KHDRBS3: variants seen among roughly 807,000 people sequenced by gnomAD.
KHDRBS3 encodes the protein KH domain-containing, RNA-binding, signal transduction-associated protein 3.
Under a neutral mutation model 45.6 loss-of-function variants are expected in KHDRBS3, and 23 were observed. The observed-to-expected ratio is 0.50, with a 90% CI of 0.36 to 0.72. The LOEUF is 0.72. KHDRBS3 is among the 30% of genes least tolerant of loss of function. The probability of loss-of-function intolerance (pLI) is 0.00; values close to 1 mark genes in which losing one functional copy is unlikely to be tolerated. For missense variants in KHDRBS3, 352 were observed against 424.8 expected (o/e 0.83, Z 1.51); for synonymous variants, 162 against 156.5 (o/e 1.04, Z -0.26).
intron 1 of KHDRBS3, among the ~76,000 whole-genome samples, chr8:135,505,158 G>A (rs999064318): frequency 1.3e-5 from 2 of 152,208 alleles, no homozygotes; most frequent in African/African-American, 4.8e-5. Flanking sequence ...CAATATTGAA[G>A]TAGAGGGAAC....
At chr8:135,484,789 C>T (rs559763842) in intron 1 of KHDRBS3, among the ~76,000 whole-genome samples, 1 of 152,340 alleles carries the variant, frequency 6.6e-6, no homozygotes, top group Non-Finnish European at 1.5e-5. Context: ...CTTTAGATTT[C>T]AGCCAGAGGC....
intron 2 of KHDRBS3, among the ~76,000 whole-genome samples, chr8:135,526,035 T>C (rs7832892): frequency 0.1 from 15,543 of 152,182 alleles, 885 homozygotes; most frequent in East Asian, 0.18. Context: ...TGTGTGACAA[T>C]TGCTTATAGT....
At chr8:135,522,678 C>A (rs1344614268) in intron 2 of KHDRBS3, among the ~76,000 whole-genome samples, 1 of 152,098 alleles carries the variant, frequency 6.6e-6, no homozygotes, top group East Asian at 1.9e-4. Context: ...TTTTTCATAT[C>A]CTTATTGGCT....
chr8:135,566,837 G>C (rs183265757), intron 5 of KHDRBS3, among the ~76,000 whole-genome samples: 44 of 152,310 alleles, frequency 2.9e-4, no homozygotes, highest in African/African-American at 1.0e-3. Context: ...AAAACAAAAA[G>C]TTCTGTTTGA....
At chr8:135,611,326 A>G (rs1300140922) in intron 7 of KHDRBS3, among the ~76,000 whole-genome samples, 2 of 151,996 alleles carry the variant, frequency 1.3e-5, no homozygotes, top group Admixed American at 6.6e-5. Flanking sequence ...TTCAGATCGT[A>G]CAGTTTACAC....
chr8:135,570,099 A>C (rs906699614), intron 5 of KHDRBS3, among the ~76,000 whole-genome samples: 1 of 152,228 alleles, frequency 6.6e-6, no homozygotes, highest in African/African-American at 2.4e-5. Context: ...GTAGACTAGA[A>C]GGCAGAATGC....
Position 135,548,744 on chromosome 8 carries a change from CT to C in KHDRBS3, c.325-5del. On this transcript the variant is annotated splice_polypyrimidine_tract_variant and intron_variant, in intron 3 of 8. Transcript: ENST00000355849. ...GTTTTTAAATGTGATTTCTTTTTTC[CT>C]TTTTCCAGGAAGAAGAGTTGAGGAA... The C allele has an allele frequency of 6.2e-6, 9 of 1,447,886 alleles. No individual in the cohort carries two copies. Among genetic ancestry groups the C allele is most frequent in the South Asian group, 4.9e-5 (3 of 61,050 alleles). The allele number at this position is 1,447,886 out of a possible 1,614,324, so 89.7% of individuals were successfully genotyped here.
chr8:135,486,756 G>T (rs749656493), intron 1 of KHDRBS3, among the ~76,000 whole-genome samples: 1 of 152,168 alleles, frequency 6.6e-6, no homozygotes, highest in Non-Finnish European at 1.5e-5. Flanking sequence ...ATATTCCTTG[G>T]TGTTGTGTAC....
At chr8:135,538,126 G>T (rs187718559) in intron 2 of KHDRBS3, among the ~76,000 whole-genome samples, 1 of 152,124 alleles carries the variant, frequency 6.6e-6, no homozygotes, top group Non-Finnish European at 1.5e-5. Flanking sequence ...GGGGCAGTGC[G>T]ATGAATGGGT....
chr8:135,621,958 A>C (rs1830161562), intron 7 of KHDRBS3, among the ~76,000 whole-genome samples: 1 of 151,998 alleles, frequency 6.6e-6, no homozygotes, highest in South Asian at 2.1e-4. Flanking sequence ...CACTGGTCCA[A>C]GTGAATGTCA....
intron 7 of KHDRBS3, among the ~76,000 whole-genome samples, chr8:135,631,091 A>G (rs1206551771): frequency 1.3e-5 from 2 of 152,072 alleles, no homozygotes; most frequent in Non-Finnish European, 2.9e-5. Context: ...TCTACTAAAA[A>G]TACAAAAAAA....
chr8:135,492,514 T>C (rs201358433), intron 1 of KHDRBS3, among the ~76,000 whole-genome samples: 50 of 74,632 alleles, frequency 6.7e-4, no homozygotes, highest in African/African-American at 1.9e-3. Context: ...CATATATATA[T>C]ACATATATAT....
downstream of KHDRBS3, among the ~76,000 whole-genome samples, chr8:135,650,133 A>G (rs1451764349): frequency 3.3e-5 from 5 of 152,176 alleles, no homozygotes; most frequent in Non-Finnish European, 5.9e-5. Context: ...ATGGAACATG[A>G]GCTCCATACT....
intron 1 of KHDRBS3, among the ~76,000 whole-genome samples, chr8:135,502,776 T>C (rs950174535): frequency 6.6e-6 from 1 of 152,224 alleles, no homozygotes; most frequent in African/African-American, 2.4e-5. Context: ...CGGTAAATTC[T>C]GTTCAATGAA....
intron 1 of KHDRBS3, among the ~76,000 whole-genome samples, chr8:135,511,546 T>TTTG (rs144560423): frequency 4.4e-4 from 67 of 151,800 alleles, no homozygotes; most frequent in Admixed American, 7.9e-4. Flanking sequence ...TTTTTGTTTG[T>TTTG]TTGTTGTTGT....
At chr8:135,649,697 T>C (rs949436209), downstream of KHDRBS3, among the ~76,000 whole-genome samples, 8 of 152,270 alleles carry the variant, frequency 5.3e-5, 1 homozygote, top group Non-Finnish European at 1.2e-4. Context: ...TTTCACAATT[T>C]TTTTCTTTAT....
chr8:135,637,609 C>T (rs1232814118), intron 7 of KHDRBS3, among the ~76,000 whole-genome samples: 1 of 152,128 alleles, frequency 6.6e-6, no homozygotes, highest in African/African-American at 2.4e-5. Context: ...TTCGCCCACC[C>T]CCACAAACTG....
chr8:135,608,269 C>A (rs144641075), intron 7 of KHDRBS3, among the ~76,000 whole-genome samples: 25 of 152,116 alleles, frequency 1.6e-4, no homozygotes, highest in African/African-American at 6.0e-4. Context: ...AGATATGTAC[C>A]CTTTATAAAT....
chr8:135,467,735 A>G (rs570256753), intron 1 of KHDRBS3, among the ~76,000 whole-genome samples: 5 of 152,364 alleles, frequency 3.3e-5, no homozygotes, highest in African/African-American at 7.2e-5. Flanking sequence ...TTACTGGTGA[A>G]AAGTTCAATC....
Sources: gnomAD v4.1 joint callset for allele counts (sites outside exome capture counted in the v4.1 genomes callset) on GRCh38, gnomAD v4.1.1 for gene constraint, MANE v1.5 for transcripts, NCBI Gene and HGNC (gene_info 2026-07-23, HGNC 2026-07-21) for gene names.